The following TMCC2 variants were observed in gnomAD, a reference collection of about 807,000 sequenced individuals.
The protein encoded by TMCC2 is transmembrane and coiled-coil domains protein 2.
TMCC2 carries 16 observed loss-of-function variants against 49.4 expected under a neutral mutation model. The ratio of observed to expected loss-of-function variants is 0.32; its 90% CI spans 0.22 to 0.49. The LOEUF (loss-of-function observed/expected upper bound fraction) is 0.49. Among genes scored for constraint, TMCC2 ranks in the 20% least tolerant of loss-of-function variants. The pLI, the probability that TMCC2 is intolerant of heterozygous loss-of-function variation, is 0.99. For missense variants in TMCC2, 762 were observed against 989.8 expected (o/e 0.77, Z 3.09); for synonymous variants, 397 against 434.1 (o/e 0.91, Z 1.06).
At chr1:205,259,404 A>G (rs1661012608) in intron 2 of TMCC2, among the ~76,000 whole-genome samples, 1 of 152,170 alleles carries the variant, frequency 6.6e-6, no homozygotes, top group Non-Finnish European at 1.5e-5. Flanking sequence ...TGTGGAGCAC[A>G]TGTTCCTTGC....
chr1:205,256,117 A>G (rs1037842686), intron 2 of TMCC2: 1 of 1,138,870 alleles, frequency 8.8e-7, no homozygotes, highest in African/African-American at 1.6e-5. Context: ...TTATCTCTTC[A>G]CACCTTCTTG....
At chr1:205,243,304 AACCTGGG>A (rs1178597272) in intron 2 of TMCC2, among the ~76,000 whole-genome samples, 4 of 152,152 alleles carry the variant, frequency 2.6e-5, no homozygotes, top group African/African-American at 9.7e-5. Context: ...GAATTGCTTG[AACCTGGG>A]AGGCGGAGGT....
chr1:205,236,069 A>C lies in TMCC2; in HGVS notation c.208-5436A>C, dbSNP rs796404180. Among the ~76,000 whole-genome samples, 4 of 17,372 alleles carry C rather than the reference A, an allele frequency of 2.3e-4. No homozygotes were observed. In the African/African-American group the frequency reaches 0.01, roughly 45 times the overall value. The allele number at this position is 17,372 out of a possible 152,430, so 11.4% of individuals were successfully genotyped here. A position where few individuals can be genotyped will look rare whatever the true frequency, so the allele number is the denominator to read the frequency against. On this transcript the variant is annotated intron_variant, in intron 1 of 4. Coordinates refer to ENST00000358024, the MANE Select transcript of TMCC2 (RefSeq NM_014858.4). Reference sequence around the variant, plus strand: ...AGGCGACACAGCAGGACTCTGTCTCAAAAAAAAAAAAAAAAAAAGAACAGT... The same window carrying C: ...AGGCGACACAGCAGGACTCTGTCTCCAAAAAAAAAAAAAAAAAAGAACAGT...
At position 205,242,171 on chromosome 1, in the gene TMCC2, G is replaced by C; in HGVS notation, c.747+127G>C. ...ATACTGACACCCCACCGTCTGCAGAGTTATCTACCTTGGTTAAAGGAGTCG... is the reference window on the plus strand; with the variant it reads ...ATACTGACACCCCACCGTCTGCAGACTTATCTACCTTGGTTAAAGGAGTCG... On this transcript the variant is annotated intron_variant, in intron 2 of 4. Coordinates refer to ENST00000358024, the MANE Select transcript of TMCC2 (RefSeq NM_014858.4). The C allele has an allele frequency of 2.8e-6, 3 of 1,071,068 alleles. No homozygotes were observed. In the South Asian group the frequency reaches 5.2e-5, roughly 19 times the overall value. 66.3% of individuals were successfully genotyped at this position (1,071,068 alleles called of 1,614,324 possible).
At chr1:205,260,184 C>A (rs1661048362) in intron 2 of TMCC2, among the ~76,000 whole-genome samples, 1 of 152,090 alleles carries the variant, frequency 6.6e-6, no homozygotes, top group Non-Finnish European at 1.5e-5. Context: ...CTATCTCAGG[C>A]AGGTTGGGGT....
rs1308988042 is a variant in TMCC2, at chr1:205,269,826, A to G, written c.1624A>G (p.Thr542Ala). Residue 542 changes from threonine to alanine, a missense_variant, in exon 3 of 5, where the codon ACT (threonine) becomes GCT (alanine). Thr to Ala is a moderately conservative substitution (Grantham distance 58, BLOSUM62 0). Around this residue, in one of 2 missense-constraint regions of TMCC2, gnomAD observed 440 missense variants for 636.7 expected, o/e 0.69. Coordinates refer to ENST00000358024, the MANE Select transcript of TMCC2 (RefSeq NM_014858.4). ...GGAGGACTCCATGGAAGACCTGAAGACTCAGCTGCAGAGGGACTACACCTA... is the reference window on the plus strand; with the variant it reads ...GGAGGACTCCATGGAAGACCTGAAGGCTCAGCTGCAGAGGGACTACACCTA... ...HLEDSMEDLK[T>A]QLQRDYTYMT... The G allele has an allele frequency of 1.2e-6, 2 of 1,613,950 alleles. No individual in the cohort carries two copies. Among genetic ancestry groups the G allele is most frequent in the African/African-American group, 2.7e-5 (2 of 74,890 alleles).
chr1:205,238,716 A>G (rs1355775297), intron 1 of TMCC2, among the ~76,000 whole-genome samples: 2 of 152,122 alleles, frequency 1.3e-5, no homozygotes, highest in Non-Finnish European at 2.9e-5. Flanking sequence ...TCTACTTTAA[A>G]TCTTAAGTCT....
chr1:205,252,081 C>T (rs1292369382), intron 2 of TMCC2, among the ~76,000 whole-genome samples: 1 of 152,196 alleles, frequency 6.6e-6, no homozygotes, highest in Non-Finnish European at 1.5e-5. Context: ...GGGAGAGTGA[C>T]TATAAAGGCA....
At chr1:205,266,109 C>T (rs1332416628) in intron 2 of TMCC2, among the ~76,000 whole-genome samples, 4 of 151,018 alleles carry the variant, frequency 2.6e-5, no homozygotes, top group African/African-American at 9.7e-5. Context: ...GGCATGGTGG[C>T]AGGCGCCTGT....
At chr1:205,268,621 TAAAC>T (rs1185284015) in intron 2 of TMCC2, among the ~76,000 whole-genome samples, 4 of 151,960 alleles carry the variant, frequency 2.6e-5, no homozygotes, top group South Asian at 2.1e-4. Flanking sequence ...CTCAAATAGA[TAAAC>T]AAACAAATAA....
At chr1:205,232,124 G>A (rs1170586816) in intron 1 of TMCC2, among the ~76,000 whole-genome samples, 1 of 152,132 alleles carries the variant, frequency 6.6e-6, no homozygotes, top group Non-Finnish European at 1.5e-5. Flanking sequence ...CCATCTTACT[G>A]TACACTGTAA....
chr1:205,242,075 C>A (rs918880034), intron 2 of TMCC2, 31 bp downstream of exon 2: 1 of 1,543,242 alleles, frequency 6.5e-7, no homozygotes, highest in Non-Finnish European at 8.7e-7. Flanking sequence ...CAGGGGGAGA[C>A]TCAGAGGCAA....
At chr1:205,246,775 A>G in intron 2 of TMCC2, 1 of 1,408,592 alleles carries the variant, frequency 7.1e-7, no homozygotes, top group Non-Finnish European at 9.7e-7. Context: ...TTTTATGAGG[A>G]GGGAAAACGT....
At chr1:205,262,551 T>TG (rs1490969326) in intron 2 of TMCC2, among the ~76,000 whole-genome samples, 1 of 152,170 alleles carries the variant, frequency 6.6e-6, no homozygotes, top group Admixed American at 6.5e-5. Context: ...AGGGGAAGGA[T>TG]GGGGGGATGT....
intron 1 of TMCC2, among the ~76,000 whole-genome samples, chr1:205,230,884 A>G (rs932810648): frequency 1.3e-5 from 2 of 151,484 alleles, no homozygotes; most frequent in Non-Finnish European, 2.9e-5. Flanking sequence ...CAGATGTAGT[A>G]ACAACTTTAC....
chr1:205,238,097 G>A (rs928516656), intron 1 of TMCC2, among the ~76,000 whole-genome samples: 1 of 152,216 alleles, frequency 6.6e-6, no homozygotes, highest in Non-Finnish European at 1.5e-5. Flanking sequence ...ATGTGGAAAA[G>A]CAAGTGACAT....
At chr1:205,268,018 A>G (rs1389635989) in intron 2 of TMCC2, 1 of 985,212 alleles carries the variant, frequency 1.0e-6, no homozygotes, top group Non-Finnish European at 1.2e-6. Flanking sequence ...TTCCACCATT[A>G]TGAAGCGGAA....
At chr1:205,258,908 C>T (rs145834145) in intron 2 of TMCC2, among the ~76,000 whole-genome samples, 1 of 152,312 alleles carries the variant, frequency 6.6e-6, no homozygotes, top group Admixed American at 6.5e-5. Flanking sequence ...TTCTTTATCC[C>T]GAGAGGGCCA....
chr1:205,262,444 T>TC (rs749855188), intron 2 of TMCC2, among the ~76,000 whole-genome samples: 20 of 152,304 alleles, frequency 1.3e-4, no homozygotes, highest in Admixed American at 3.9e-4. Flanking sequence ...CAGCTCCGAC[T>TC]CTGCTTCTCA....
Sources: allele counts gnomAD v4.1 joint callset (sites outside exome capture counted in the v4.1 genomes callset), GRCh38; gene constraint gnomAD v4.1.1; regional missense constraint gnomAD v4.1.1; transcripts MANE v1.5; gene names NCBI Gene and HGNC (gene_info 2026-07-23, HGNC 2026-07-21).